The following PPP4R2 variants were observed in gnomAD, a reference collection of about 807,000 sequenced individuals.
PPP4R2 encodes serine/threonine-protein phosphatase 4 regulatory subunit 2.
PPP4R2 carries 13 observed loss-of-function variants against 47.2 expected under a neutral mutation model. The ratio of observed to expected loss-of-function variants is 0.28; its 90% CI spans 0.18 to 0.44. The LOEUF (loss-of-function observed/expected upper bound fraction) is 0.44, where lower values mean the gene tolerates loss of function less well. Ranked by LOEUF, PPP4R2 falls within the 20% of genes least tolerant of loss-of-function variation. The pLI, the probability that PPP4R2 is intolerant of heterozygous loss-of-function variation, is 1.00. For synonymous variants in PPP4R2, 151 were observed against 163.3 expected (o/e 0.92, Z 0.57); for missense variants, 421 against 491.2 (o/e 0.86, Z 1.35).
At chr3:73,024,624 TTTC>T (rs1387288745) in intron 2 of PPP4R2, among the ~76,000 whole-genome samples, 4 of 152,062 alleles carry the variant, frequency 2.6e-5, no homozygotes, top group South Asian at 2.1e-4. Context: ...CCCAAAGGAG[TTTC>T]TTTTCTCTCT....
chr3:73,062,013 T>C, intron 5 of PPP4R2: 1 of 1,127,418 alleles, frequency 8.9e-7, no homozygotes, highest in Non-Finnish European at 1.2e-6. Context: ...ATGTTTTGTT[T>C]TGCTCATGAA....
At chr3:73,050,366 C>T (rs1346902437) in intron 3 of PPP4R2, among the ~76,000 whole-genome samples, 1 of 152,046 alleles carries the variant, frequency 6.6e-6, no homozygotes, top group Non-Finnish European at 1.5e-5. Context: ...CAAGATTTTT[C>T]TATTTTTAAT....
Position 73,068,210 on chromosome 3 carries a change from CAT to C in PPP4R2, c.*2493_*2494del, listed in dbSNP as rs1434942730. ...AAGTGATTTTAGGCATATTTCTTAACATATATCAAGCAAAGTCCTGTTAAAAG... is the reference window on the plus strand; with the variant it reads ...AAGTGATTTTAGGCATATTTCTTAACATATCAAGCAAAGTCCTGTTAAAAG... On this transcript the variant is annotated 3_prime_UTR_variant, in exon 9 of 9. Coordinates refer to ENST00000356692, the MANE Select transcript of PPP4R2 (RefSeq NM_174907.4). The C allele has an allele frequency of 6.6e-6, 1 of 152,078 alleles. No homozygotes were observed. Among genetic ancestry groups the C allele is most frequent in the Non-Finnish European group, 1.5e-5 (1 of 68,004 alleles). 9.4% of individuals were successfully genotyped at this position (152,078 alleles called of 1,614,324 possible). A position where few individuals can be genotyped will look rare whatever the true frequency, so the allele number is the denominator to read the frequency against.
chr3:73,027,370 C>T (rs2107267116), intron 2 of PPP4R2, among the ~76,000 whole-genome samples: 1 of 152,344 alleles, frequency 6.6e-6, no homozygotes, highest in Admixed American at 6.5e-5. Context: ...TCATGATCCG[C>T]CAGCCTTGGC....
At chr3:73,057,948 T>G (rs1312460281) in intron 3 of PPP4R2, among the ~76,000 whole-genome samples, 3 of 152,138 alleles carry the variant, frequency 2.0e-5, no homozygotes, top group African/African-American at 7.2e-5. Flanking sequence ...ATTCTTTTCA[T>G]TAAAGAGAAT....
intron 2 of PPP4R2, among the ~76,000 whole-genome samples, chr3:73,002,756 C>T (rs919819557): frequency 2.6e-5 from 4 of 151,130 alleles, no homozygotes; most frequent in African/African-American, 9.8e-5. Context: ...ATTTTCCTGC[C>T]TCAGCCTCGT....
Position 73,004,844 on chromosome 3 carries a change from GGTGT to G in PPP4R2, c.116+6709_116+6712del, listed in dbSNP as rs751819640. 3.4e-4 allele frequency among the ~76,000 whole-genome samples: 34 copies of G among 99,544 alleles called. 1 individual carries two copies. Among genetic ancestry groups the G allele is most frequent in the Middle Eastern group, 8.1e-3 (2 of 246 alleles). 65.3% of individuals were successfully genotyped at this position (99,544 alleles called of 152,430 possible). On this transcript the variant is annotated intron_variant, in intron 2 of 8. Coordinates refer to ENST00000356692, the MANE Select transcript of PPP4R2 (RefSeq NM_174907.4). ...TTTTTTTCTTTAAAATACAGTGTGG[GGTGT>G]GTGTGTGTGTGTGTGTGTGTGTTTG...
intron 2 of PPP4R2, among the ~76,000 whole-genome samples, chr3:73,010,429 A>G (rs910265028): frequency 6.6e-6 from 1 of 152,210 alleles, no homozygotes; most frequent in Admixed American, 6.5e-5. Context: ...TGTAGAGTGA[A>G]GAGCCATTTG....
intron 2 of PPP4R2, among the ~76,000 whole-genome samples, chr3:73,010,689 G>T (rs548302182): frequency 6.6e-6 from 1 of 152,056 alleles, no homozygotes; most frequent in Admixed American, 6.5e-5. Context: ...CTCCTAAGTA[G>T]CTGGGATTAC....
intron 3 of PPP4R2, among the ~76,000 whole-genome samples, chr3:73,055,717 A>G (rs1425867398): frequency 1.3e-5 from 2 of 149,678 alleles, no homozygotes; most frequent in Admixed American, 6.7e-5. Flanking sequence ...GCTGGAGTGC[A>G]GTGGCTCAAT....
intron 2 of PPP4R2, among the ~76,000 whole-genome samples, chr3:73,006,636 C>G (rs1482488958): frequency 6.6e-6 from 1 of 152,142 alleles, no homozygotes; most frequent in Admixed American, 6.6e-5. Context: ...TTGACTCTTT[C>G]TCCTCATTGT....
chr3:73,031,191 A>T (rs1346341672), intron 2 of PPP4R2, among the ~76,000 whole-genome samples: 1 of 152,200 alleles, frequency 6.6e-6, no homozygotes, highest in Non-Finnish European at 1.5e-5. Flanking sequence ...CTAAGGTTTG[A>T]CAAAGCTAAG....
chr3:73,062,507 T>C (rs961176785), intron 5 of PPP4R2: 1 of 1,613,574 alleles, frequency 6.2e-7, no homozygotes, highest in Non-Finnish European at 8.5e-7. Context: ...CATTACTGAG[T>C]GTTGGTGTGA....
chr3:73,054,273 T>A (rs1702682978), intron 3 of PPP4R2, among the ~76,000 whole-genome samples: 1 of 152,208 alleles, frequency 6.6e-6, no homozygotes, highest in African/African-American at 2.4e-5. Flanking sequence ...TAAACTAGTG[T>A]CTGCACCACT....
chr3:73,013,536 CAG>C (rs1701766212), intron 2 of PPP4R2, among the ~76,000 whole-genome samples: 1 of 152,056 alleles, frequency 6.6e-6, no homozygotes, highest in African/African-American at 2.4e-5. Flanking sequence ...ATATTCTTAA[CAG>C]AATGTTCTGT....
rs148828508 is a variant in PPP4R2, at chr3:73,003,604, C to G, written c.116+5446C>G. ...CCTTATGTCATTGTCATTGTATTCT[C>G]TCTGTCTCTCGTCAGTTTGGTTGTC... On this transcript the variant is annotated intron_variant, in intron 2 of 8. Coordinates refer to ENST00000356692, the MANE Select transcript of PPP4R2 (RefSeq NM_174907.4). 1.4e-4 allele frequency among the ~76,000 whole-genome samples: 22 copies of G among 152,322 alleles called. 1 individual carries two copies. Among genetic ancestry groups the G allele is most frequent in the Non-Finnish European group, 2.9e-5 (2 of 68,040 alleles).
At chr3:72,998,222 G>A in intron 2 of PPP4R2, 64 bp downstream of exon 2, 1 of 997,074 alleles carries the variant, frequency 1.0e-6, no homozygotes, top group Non-Finnish European at 1.5e-6. Context: ...CTCAGGAAAG[G>A]GAAAAAAGTA....
At chr3:73,011,440 C>T (rs963504472) in intron 2 of PPP4R2, among the ~76,000 whole-genome samples, 1 of 152,082 alleles carries the variant, frequency 6.6e-6, no homozygotes, top group Non-Finnish European at 1.5e-5. Context: ...AAGATTGCAC[C>T]ACCACACTCC....
chr3:73,004,578 C>T (rs1701555300), intron 2 of PPP4R2, among the ~76,000 whole-genome samples: 1 of 152,058 alleles, frequency 6.6e-6, no homozygotes, highest in African/African-American at 2.4e-5. Context: ...GCTGGGACTA[C>T]AGGTATATGC....
Sources: allele counts gnomAD v4.1 joint callset (sites outside exome capture counted in the v4.1 genomes callset), GRCh38; gene constraint gnomAD v4.1.1; transcripts MANE v1.5; gene names NCBI Gene and HGNC (gene_info 2026-07-23, HGNC 2026-07-21).